Variants in ELOVL2 observed in about 807,000 individuals in gnomAD.
ELOVL2 encodes very long chain fatty acid elongase 2.
Under a neutral mutation model 37.7 loss-of-function variants are expected in ELOVL2, and 38 were observed. That is an observed-to-expected ratio of 1.01 (90% CI 0.78 to 1.32). ELOVL2 has a LOEUF of 1.32. Ranked by LOEUF, ELOVL2 falls within the 40% of genes most tolerant of loss-of-function variation. The pLI, the probability that ELOVL2 is intolerant of heterozygous loss-of-function variation, is 0.00. For missense variants in ELOVL2, 352 were observed against 363.6 expected (o/e 0.97, Z 0.26); for synonymous variants, 115 against 122.3 (o/e 0.94, Z 0.40).
chr6:11,016,109 T>C (rs1194763404), intron 1 of ELOVL2, among the ~76,000 whole-genome samples: 1 of 144,718 alleles, frequency 6.9e-6, no homozygotes, highest in African/African-American at 2.6e-5. Flanking sequence ...TATTCTTTCC[T>C]TTCTTTCTTC....
intron 1 of ELOVL2, among the ~76,000 whole-genome samples, chr6:11,037,064 T>C (rs7738611): frequency 0.11 from 13,584 of 120,260 alleles, 1,961 homozygotes; most frequent in African/African-American, 0.32. Flanking sequence ...GGGAAAGAGA[T>C]AGAGAGGCAG....
intron 1 of ELOVL2, among the ~76,000 whole-genome samples, chr6:11,016,985 T>A (rs1387409993): frequency 1.3e-5 from 2 of 151,926 alleles, no homozygotes; most frequent in Non-Finnish European, 2.9e-5. Flanking sequence ...CTGGAGGGAG[T>A]AATGAGCTAA....
rs918831517 is a variant in ELOVL2 at position 11,030,828 on chromosome 6, A to G, written c.3+13400T>C. Among the ~76,000 whole-genome samples, 3 of 152,112 alleles carry G rather than the reference A, an allele frequency of 2.0e-5. No individual in the cohort carries two copies. In the South Asian group the frequency reaches 6.2e-4, roughly 32 times the overall value. On this transcript the variant is annotated intron_variant, in intron 1 of 7. Transcript: ENST00000354666. Reference sequence around the variant, plus strand: ...TTTAAACTAATTTAAATAAACACGTACTGGGCACTAAGAAATGAAACACAA... The same window carrying G: ...TTTAAACTAATTTAAATAAACACGTGCTGGGCACTAAGAAATGAAACACAA...
rs750987217 is a variant in ELOVL2, at chr6:10,983,814, T to C, written c.858A>G (p.Ala286=). The C allele has an allele frequency of 3.7e-5, 60 of 1,612,890 alleles. No individual in the cohort carries two copies. Among genetic ancestry groups the C allele is most frequent in the Non-Finnish European group, 5.0e-5 (59 of 1,179,756 alleles). The change falls in exon 8 of 8, where the codon GCA becomes GCG. Residue 286 remains alanine (A), a synonymous_variant. Transcript: ENST00000354666. ...KNGFSKAYFT[A]ANGVMNKKAQ is the part of the protein sequence containing the mutation. ...CTTTCTTGTTCATCACTCCATTTGC[T>C]GCAGTGAAGTAGGCTTTGGAAAAAC...
In ELOVL2 at chr6:11,029,223, C is replaced by CAAAAAAAAAA. The variant is rs376639413; in HGVS notation, c.3+14995_3+15004dup. On this transcript the variant is annotated intron_variant, in intron 1 of 7. Coordinates refer to ENST00000354666, the MANE Select transcript of ELOVL2 (RefSeq NM_017770.4). ...AGCCCGGGGCGACAGAGGGAGATCT[C>CAAAAAAAAAA]AAAAAAAAAAAAAAAAAAAAAAAAA... Among the ~76,000 whole-genome samples, 250 of 75,760 alleles carry CAAAAAAAAAA rather than the reference C, an allele frequency of 3.3e-3. 17 individuals carry two copies. Among genetic ancestry groups the CAAAAAAAAAA allele is most frequent in the African/African-American group, 0.012 (239 of 19,268 alleles). The allele number at this position is 75,760 out of a possible 152,430, so 49.7% of individuals were successfully genotyped here.
At chr6:11,013,678 G>T (rs954684602) in intron 1 of ELOVL2, among the ~76,000 whole-genome samples, 2 of 152,062 alleles carry the variant, frequency 1.3e-5, no homozygotes, top group South Asian at 2.1e-4. Context: ...AGAGGAGGAG[G>T]ACACACAGAA....
At chr6:11,012,890 T>C (rs1482523156) in intron 1 of ELOVL2, among the ~76,000 whole-genome samples, 1 of 152,088 alleles carries the variant, frequency 6.6e-6, no homozygotes, top group Non-Finnish European at 1.5e-5. Flanking sequence ...AATACACAAA[T>C]AAATAAAAAA....
chr6:11,042,897 T>C lies in ELOVL2; in HGVS notation c.3+1331A>G, dbSNP rs192683945. Reference sequence around the variant, plus strand: ...GTGCGCCAGGCACTGCTGTAGGTACTAGAAATCTAGCAAGCAATGAACGAA... The same window carrying C: ...GTGCGCCAGGCACTGCTGTAGGTACCAGAAATCTAGCAAGCAATGAACGAA... On this transcript the variant is annotated intron_variant, in intron 1 of 7. Transcript: ENST00000354666. Among the ~76,000 whole-genome samples, 4 of 152,286 alleles carry C rather than the reference T, an allele frequency of 2.6e-5. No homozygotes were observed. The East Asian group carries it at 7.7e-4, about 29-fold the overall frequency.
rs1782242518 is a variant in ELOVL2, at chr6:10,995,155, G to T, written c.357C>A (p.Tyr119Ter). The change falls in exon 5 of 8, where the codon TAC (tyrosine) becomes TAA (stop). Residue 119 changes from tyrosine to a stop codon, truncating the protein, a stop_gained. Coordinates refer to ENST00000354666, the MANE Select transcript of ELOVL2 (RefSeq NM_017770.4). LOFTEE classifies it high-confidence loss of function. The stretch of plus-strand genomic sequence containing the variant: ...GGAACTCTACTGATTTGGAGAAATA[G>T]TACCACCAAAGCACCTTGGCTACCT... ...DIRVAKVLWW[Y>*]YFSKSVEFLD... 1.2e-6 allele frequency: 2 copies of T among 1,611,310 alleles called. No individual in the cohort carries two copies. The highest frequency in any genetic ancestry group is 2.7e-5 in the African/African-American group (2 of 74,832).
chr6:10,990,516 T>A, intron 5 of ELOVL2, 74 bp from the exon 6 acceptor site: 1 of 1,412,466 alleles, frequency 7.1e-7, no homozygotes, highest in South Asian at 1.5e-5. Context: ...AGTGAGATTC[T>A]CTCTCTGCAT....
intron 4 of ELOVL2, among the ~76,000 whole-genome samples, chr6:10,997,303 A>G (rs1344297457): frequency 6.6e-6 from 1 of 152,150 alleles, no homozygotes; most frequent in Non-Finnish European, 1.5e-5. Context: ...TCTGATAGGG[A>G]GACTTTTTAA....
intron 3 of ELOVL2, among the ~76,000 whole-genome samples, chr6:11,003,130 G>T (rs376265841): frequency 2.0e-5 from 3 of 152,178 alleles, no homozygotes; most frequent in Admixed American, 2.0e-4. Flanking sequence ...CCCTTCTGCT[G>T]CTGCTGTCAC....
chr6:11,032,896 TACTATC>T (rs1252238369), intron 1 of ELOVL2, among the ~76,000 whole-genome samples: 1 of 152,224 alleles, frequency 6.6e-6, no homozygotes, highest in African/African-American at 2.4e-5. Flanking sequence ...TATTCTAACT[TACTATC>T]ACTAGGAATG....
intron 7 of ELOVL2, among the ~76,000 whole-genome samples, 196 bp from the exon 8 acceptor site, chr6:10,984,102 C>T (rs1241200896): frequency 2.6e-5 from 4 of 152,286 alleles, no homozygotes; most frequent in Non-Finnish European, 5.9e-5. Flanking sequence ...ACTGCGACCT[C>T]CGCCTCCCGG....
rs139450759 is a variant in ELOVL2, at chr6:11,038,728, G to A, written c.3+5500C>T. 5.3e-4 allele frequency among the ~76,000 whole-genome samples: 81 copies of A among 152,204 alleles called. 1 individual carries two copies. In the East Asian group the frequency reaches 0.015, roughly 29 times the overall value. Reference sequence around the variant, plus strand: ...CTTTCCACAAATATGACTATGAAGTGTAAATATGCTGTAGGAATACATATT... The same window carrying A: ...CTTTCCACAAATATGACTATGAAGTATAAATATGCTGTAGGAATACATATT... On this transcript the variant is annotated intron_variant, in intron 1 of 7. Transcript: ENST00000354666.
rs541243666 is a variant in ELOVL2 at position 10,996,106 on chromosome 6, G to A, written c.334-928C>T. On this transcript the variant is annotated intron_variant, in intron 4 of 7. Coordinates refer to ENST00000354666, the MANE Select transcript of ELOVL2 (RefSeq NM_017770.4). ...AGACATTTCTTTAGTTAAAGGCACT[G>A]TGTTTTTACCACTAACATTAAACAT... 1.0e-4 allele frequency among the ~76,000 whole-genome samples: 15 copies of A among 147,126 alleles called. No individual in the cohort carries two copies. In the South Asian group the frequency reaches 3.5e-3, roughly 35 times the overall value.
intron 1 of ELOVL2, among the ~76,000 whole-genome samples, chr6:11,021,677 A>G (rs973538005): frequency 6.6e-6 from 1 of 152,210 alleles, no homozygotes; most frequent in African/African-American, 2.4e-5. Context: ...AAACCTTTTT[A>G]TTTTAGACTT....
chr6:10,996,632 T>C (rs181440586), intron 4 of ELOVL2, among the ~76,000 whole-genome samples: 1 of 151,248 alleles, frequency 6.6e-6, no homozygotes, highest in Non-Finnish European at 1.5e-5. Flanking sequence ...ATCACGCCAC[T>C]GCACTCCGGC....
rs1161557499 is a variant in ELOVL2 at position 10,995,112 on chromosome 6, C to T, written c.400G>A (p.Val134Ile). 7.4e-6 allele frequency: 12 copies of T among 1,612,830 alleles called. No individual in the cohort carries two copies. The highest frequency in any genetic ancestry group is 1.6e-4 in the Middle Eastern group (1 of 6,080). The change falls in exon 5 of 8, where the codon GTT becomes ATT. Residue 134 changes from valine to isoleucine, a missense_variant. By Grantham distance (29) the Val-to-Ile change is conservative. Transcript: ENST00000354666. ...SVEFLDTIFF[V>I]LRKKTSQITF... ...ATCTGACTCGTTTTTTTCCGCAAAA[C>T]GAAGAAAATTGTGTCCAGGAACTCT...
Sources: allele counts gnomAD v4.1 joint callset (sites outside exome capture counted in the v4.1 genomes callset), GRCh38; gene constraint gnomAD v4.1.1; transcripts MANE v1.5; gene names NCBI Gene and HGNC (gene_info 2026-07-23, HGNC 2026-07-21).